Variants in SYT6 observed in about 807,000 individuals in gnomAD.
The protein encoded by SYT6 is synaptotagmin 6, also known as synaptotagmin-6.
In SYT6, 24 loss-of-function variants were observed where a neutral mutation model predicts 38.4. The ratio of observed to expected loss-of-function variants is 0.62; its 90% CI spans 0.45 to 0.88. The LOEUF is 0.88. Among genes scored for constraint, SYT6 ranks in the 40% least tolerant of loss-of-function variants. SYT6 has a pLI of 0.00. For missense variants in SYT6, 611 were observed against 621.0 expected (o/e 0.98, Z 0.17); for synonymous variants, 265 against 241.9 (o/e 1.10, Z -0.89).
rs771167887 is a variant in SYT6 at position 114,139,980 on chromosome 1, C to T, written c.164-17G>A. ...CAGAGGTGCCTGCCCTCGGCATGAGCCAGGCAGGGAGGGACAGACAGACAG... is the reference window on the plus strand; with the variant it reads ...CAGAGGTGCCTGCCCTCGGCATGAGTCAGGCAGGGAGGGACAGACAGACAG... On this transcript the variant is annotated splice_polypyrimidine_tract_variant and intron_variant, in intron 1 of 7. Coordinates refer to ENST00000610222, the MANE Select transcript of SYT6 (RefSeq NM_001253772.2). The T allele has an allele frequency of 3.5e-6, 5 of 1,446,216 alleles. No individual in the cohort carries two copies. In the East Asian group the frequency reaches 9.4e-5, roughly 27 times the overall value. 89.6% of individuals were successfully genotyped at this position (1,446,216 alleles called of 1,614,324 possible). A position where few individuals can be genotyped will look rare whatever the true frequency, so the allele number is the denominator to read the frequency against.
chr1:114,109,677 C>T (rs1308082694), intron 3 of SYT6, among the ~76,000 whole-genome samples: 8 of 152,160 alleles, frequency 5.3e-5, no homozygotes, highest in Admixed American at 5.2e-4. Context: ...ATAAAGAGCT[C>T]ACGGTCTTGG....
At position 114,139,785 on chromosome 1, in the gene SYT6, G is replaced by T. The variant is rs796474741; in HGVS notation, c.342C>A (p.Asn114Lys). The T allele has an allele frequency of 1.9e-6, 3 of 1,612,378 alleles. No individual in the cohort carries two copies. In the Admixed American group the frequency reaches 5.0e-5, roughly 27 times the overall value. ...TGGGGTCCTTCAGCTTGTCCGCCATGTTGCCTCTGAAGCTGGGGCTCTGGA... is the reference window on the plus strand; with the variant it reads ...TGGGGTCCTTCAGCTTGTCCGCCATTTTGCCTCTGAAGCTGGGGCTCTGGA... ...EALQSPSFRG[N>K]MADKLKDPST... Residue 114 changes from asparagine (N) to lysine (K), a missense_variant, in exon 2 of 8, where the codon AAC becomes AAA. Physicochemically the swap from Asn to Lys is moderately conservative, Grantham distance 94. Transcript: ENST00000610222.
chr1:114,099,085 C>T lies in SYT6; in HGVS notation c.1364+9G>A. On this transcript the variant is annotated intron_variant, in intron 5 of 7. Coordinates refer to ENST00000610222, the MANE Select transcript of SYT6 (RefSeq NM_001253772.2). ...GGTAGAATTACGTCCCTCTAGGACGCCTACCTACCGATCATAGTCCATGAC... is the reference window on the plus strand; with the variant it reads ...GGTAGAATTACGTCCCTCTAGGACGTCTACCTACCGATCATAGTCCATGAC... 6.2e-7 allele frequency: 1 copy of T among 1,608,920 alleles called. No individual in the cohort carries two copies. The highest frequency in any genetic ancestry group is 8.5e-7 in the Non-Finnish European group (1 of 1,177,160).
rs1201319137 is a variant in SYT6, at chr1:114,153,675, T to C, written c.98A>G (p.Asp33Gly). The C allele has an allele frequency of 3.0e-6, 2 of 672,544 alleles. No homozygotes were observed. Among genetic ancestry groups the C allele is most frequent in the Non-Finnish European group, 5.4e-6 (2 of 368,384 alleles). The allele number at this position is 672,544 out of a possible 1,614,324, so 41.7% of individuals were successfully genotyped here. Residue 33 changes from aspartate to glycine, a missense_variant, in exon 1 of 8, where the codon GAC becomes GGC. Asp to Gly is a moderately conservative substitution (Grantham distance 94, BLOSUM62 -1). Coordinates refer to ENST00000610222, the MANE Select transcript of SYT6 (RefSeq NM_001253772.2). ...CTCGAAGCTCCGACAAGTCTCCACG[T>C]CCAGCCCGAGAGGGGGCGGCCGGGC... ...CRARPPPLGLDVETCRSFELQ... is the reference protein window; with the variant it reads ...CRARPPPLGLGVETCRSFELQ...
intron 3 of SYT6, among the ~76,000 whole-genome samples, chr1:114,124,800 G>A (rs955882356): frequency 6.6e-6 from 1 of 152,230 alleles, no homozygotes; most frequent in Non-Finnish European, 1.5e-5. Flanking sequence ...GTGGCAACAT[G>A]GGGGAGGGCT....
intron 4 of SYT6, among the ~76,000 whole-genome samples, chr1:114,102,169 G>T (rs113683785): frequency 0.019 from 2,882 of 152,258 alleles, 87 homozygotes; most frequent in African/African-American, 0.066. Context: ...ATTTCCCTCA[G>T]CAGCCTTGAG....
chr1:114,114,991 G>C (rs889374533), intron 3 of SYT6, among the ~76,000 whole-genome samples: 3 of 152,152 alleles, frequency 2.0e-5, no homozygotes, highest in African/African-American at 7.2e-5. Context: ...TTAGAAAGAA[G>C]CTGCCTTATC....
intron 3 of SYT6, among the ~76,000 whole-genome samples, chr1:114,110,691 G>T (rs1393529363): frequency 2.0e-5 from 3 of 152,188 alleles, no homozygotes; most frequent in Admixed American, 6.5e-5. Flanking sequence ...GTGAGCATGA[G>T]TTCAGATGCT....
chr1:114,136,983 T>A (rs532057592), intron 3 of SYT6, among the ~76,000 whole-genome samples: 4 of 152,288 alleles, frequency 2.6e-5, no homozygotes, highest in Admixed American at 6.5e-5. Context: ...TCCTGATGTT[T>A]AACTGTGGGG....
chr1:114,138,082 A>T, intron 2 of SYT6, 29 bp from the exon 3 acceptor site: 1 of 1,597,236 alleles, frequency 6.3e-7, no homozygotes, highest in Non-Finnish European at 8.5e-7. Context: ...GGGCAGAGGG[A>T]GTGTGGTCAG....
rs1228364025 is a variant in SYT6, at chr1:114,092,091, AG to A, written c.*52-10del. On this transcript the variant is annotated splice_polypyrimidine_tract_variant and intron_variant, in intron 7 of 7. Coordinates refer to ENST00000610222, the MANE Select transcript of SYT6 (RefSeq NM_001253772.2). ...GCAGCTCGGCCCTGCCACTGCAAAGAGGAGAACAATCTGTTTATTAATTGCT... is the reference window on the plus strand; with the variant it reads ...GCAGCTCGGCCCTGCCACTGCAAAGAGAGAACAATCTGTTTATTAATTGCT... 1 of 1,536,086 alleles carries A rather than the reference AG, an allele frequency of 6.5e-7. No homozygotes were observed. Among genetic ancestry groups the A allele is most frequent in the Non-Finnish European group, 8.7e-7 (1 of 1,146,786 alleles).
chr1:114,103,500 C>T, intron 4 of SYT6, 101 bp downstream of exon 4: 1 of 1,507,406 alleles, frequency 6.6e-7, no homozygotes, highest in Non-Finnish European at 9.0e-7. Context: ...GCTGGTGCTT[C>T]TATTCTAAGA....
intron 6 of SYT6, among the ~76,000 whole-genome samples, chr1:114,096,464 G>C (rs1472512110): frequency 6.6e-6 from 1 of 152,226 alleles, no homozygotes; most frequent in Non-Finnish European, 1.5e-5. Flanking sequence ...AGCACATGCT[G>C]CCTGTCTAGG....
chr1:114,111,725 C>A (rs1161666893), intron 3 of SYT6, among the ~76,000 whole-genome samples: 14 of 57,560 alleles, frequency 2.4e-4, no homozygotes, highest in African/African-American at 7.2e-4. Flanking sequence ...GTCAGGACTT[C>A]CGAGAGGAAC....
At chr1:114,150,744 A>G (rs182164176) in intron 1 of SYT6, among the ~76,000 whole-genome samples, 5 of 152,328 alleles carry the variant, frequency 3.3e-5, no homozygotes, top group African/African-American at 4.8e-5. Flanking sequence ...CTTGGGGTGT[A>G]TTAAGGAGAA....
rs1229609356 is a variant in SYT6 at position 114,137,868 on chromosome 1, A to G, written c.698T>C (p.Ile233Thr). ...KSEATKSCGK[I>T]NFSLRYDYET... ...GTAATCGTAGCGTAGGCTGAAGTTG[A>G]TCTTCCCGCAGCTCTTGGTGGCCTC... The change falls in exon 3 of 8, where the codon ATC (isoleucine) becomes ACC (threonine). Residue 233 changes from isoleucine (I) to threonine (T), a missense_variant. By Grantham distance (89) the Ile-to-Thr change is moderately conservative. Coordinates refer to ENST00000610222, the MANE Select transcript of SYT6 (RefSeq NM_001253772.2). The G allele has an allele frequency of 1.9e-6, 3 of 1,613,774 alleles. No homozygotes were observed. Among genetic ancestry groups the G allele is most frequent in the Non-Finnish European group, 1.7e-6 (2 of 1,179,944 alleles).
At chr1:114,109,398 G>A (rs1346582862) in intron 3 of SYT6, among the ~76,000 whole-genome samples, 2 of 152,204 alleles carry the variant, frequency 1.3e-5, no homozygotes, top group Non-Finnish European at 2.9e-5. Flanking sequence ...TTGAGAATGT[G>A]GATTTGGGGT....
intron 3 of SYT6, among the ~76,000 whole-genome samples, chr1:114,105,940 T>A (rs891299230): frequency 6.6e-6 from 1 of 152,080 alleles, no homozygotes; most frequent in Non-Finnish European, 1.5e-5. Flanking sequence ...TTGTGGAGAG[T>A]ATGCAGTCCC....
intron 1 of SYT6, among the ~76,000 whole-genome samples, chr1:114,143,209 A>G (rs1399308415): frequency 6.8e-6 from 1 of 146,488 alleles, no homozygotes; most frequent in Non-Finnish European, 1.5e-5. Context: ...TATATATTTT[A>G]TTTAATTCTA....
Sources: gnomAD v4.1 joint callset for allele counts (sites outside exome capture counted in the v4.1 genomes callset) on GRCh38, gnomAD v4.1.1 for gene constraint, MANE v1.5 for transcripts, NCBI Gene and HGNC (gene_info 2026-07-23, HGNC 2026-07-21) for gene names.